The following SKAP2 variants were observed in gnomAD, a reference collection of about 807,000 sequenced individuals.
SKAP2 encodes src kinase associated phosphoprotein 2.
A neutral mutation model predicts 54.9 loss-of-function variants in SKAP2; 28 were observed. That is an observed-to-expected ratio of 0.51 (90% CI 0.38 to 0.70). SKAP2 has a LOEUF of 0.70. Among genes scored for constraint, SKAP2 ranks in the 30% least tolerant of loss-of-function variants. The pLI is 0.00. For missense variants in SKAP2, 356 were observed against 424.1 expected, an observed-to-expected ratio of 0.84 and a Z score of 1.41; for synonymous variants, 137 against 134.3, an observed-to-expected ratio of 1.02 and a Z score of -0.14.
At chr7:26,819,583 G>A (rs1784350411) in intron 4 of SKAP2, among the ~76,000 whole-genome samples, 1 of 149,438 alleles carries the variant, frequency 6.7e-6, no homozygotes, top group African/African-American at 2.5e-5. Context: ...AAAAAAAAAA[G>A]AACTTTCCCA....
At chr7:26,840,937 T>G (rs2127995039) in intron 4 of SKAP2, among the ~76,000 whole-genome samples, 1 of 152,150 alleles carries the variant, frequency 6.6e-6, no homozygotes, top group East Asian at 1.9e-4. Context: ...TAAGAAGCAT[T>G]TCCAAAGAGG....
At chr7:26,729,168 T>C (rs1457177919) in intron 6 of SKAP2, among the ~76,000 whole-genome samples, 2 of 152,070 alleles carry the variant, frequency 1.3e-5, no homozygotes, top group African/African-American at 2.4e-5. Flanking sequence ...CCTAGAAATA[T>C]GCTATGGGGC....
intron 4 of SKAP2, among the ~76,000 whole-genome samples, chr7:26,841,902 G>C (rs1784824767): frequency 1.3e-5 from 2 of 151,908 alleles, no homozygotes; most frequent in Admixed American, 1.3e-4. Context: ...TTGGTGACCT[G>C]TGCTAATTCG....
intron 4 of SKAP2, among the ~76,000 whole-genome samples, chr7:26,775,445 C>T (rs932285415): frequency 6.6e-6 from 1 of 152,030 alleles, no homozygotes; most frequent in African/African-American, 2.4e-5. Context: ...TAACATTTTA[C>T]AAAACTATAG....
At chr7:26,801,465 T>C (rs1293001560) in intron 4 of SKAP2, among the ~76,000 whole-genome samples, 1 of 152,214 alleles carries the variant, frequency 6.6e-6, no homozygotes, top group Non-Finnish European at 1.5e-5. Flanking sequence ...AGATGCCCAT[T>C]GTCACTGCTG....
At position 26,670,648 on chromosome 7, in the gene SKAP2, T is replaced by C. The variant is rs1040269863; in HGVS notation, c.988-456A>G. 1.2e-4 allele frequency among the ~76,000 whole-genome samples: 18 copies of C among 152,246 alleles called. No individual in the cohort carries two copies. The East Asian group carries it at 2.5e-3, about 21-fold the overall frequency. ...AAACTACTTATTTCTTAAACTTATATGACCTAAAATGATTTAGAATGTTGA... is the reference window on the plus strand; with the variant it reads ...AAACTACTTATTTCTTAAACTTATACGACCTAAAATGATTTAGAATGTTGA... On this transcript the variant is annotated intron_variant, in intron 11 of 12. Coordinates refer to ENST00000345317, the MANE Select transcript of SKAP2 (RefSeq NM_003930.5).
At position 26,777,218 on chromosome 7, in the gene SKAP2, T is replaced by C. The variant is rs1196374611; in HGVS notation, c.308-37254A>G. On this transcript the variant is annotated intron_variant, in intron 4 of 12. Coordinates refer to ENST00000345317, the MANE Select transcript of SKAP2 (RefSeq NM_003930.5). ...ATCTGGTTTCTTCAACTCCAGAGGA[T>C]GACACTCAAATACCCTCCTGAATAC... Among the ~76,000 whole-genome samples, 4 of 152,174 alleles carry C rather than the reference T, an allele frequency of 2.6e-5. No homozygotes were observed. In the East Asian group the frequency reaches 7.7e-4, roughly 29 times the overall value.
At chr7:26,682,844 C>T (rs1197129936) in intron 11 of SKAP2, among the ~76,000 whole-genome samples, 1 of 152,126 alleles carries the variant, frequency 6.6e-6, no homozygotes, top group Non-Finnish European at 1.5e-5. Flanking sequence ...AAGTATGATA[C>T]ACACCTATGA....
chr7:26,756,071 G>A (rs1194348692), intron 4 of SKAP2, among the ~76,000 whole-genome samples: 6 of 152,144 alleles, frequency 3.9e-5, no homozygotes, highest in Non-Finnish European at 8.8e-5. Flanking sequence ...AGATCTGTGT[G>A]TATTAATATG....
rs148218263 is a variant in SKAP2, at chr7:26,756,098, T to C, written c.308-16134A>G. ...ATTAATATGGAAAGATATATACTAA[T>C]GTAGAAAGATGTCCACGATACTTGG... On this transcript the variant is annotated intron_variant, in intron 4 of 12. Coordinates refer to ENST00000345317, the MANE Select transcript of SKAP2 (RefSeq NM_003930.5). 1.5e-3 allele frequency among the ~76,000 whole-genome samples: 224 copies of C among 152,348 alleles called. 1 individual carries two copies. Among genetic ancestry groups the C allele is most frequent in the African/African-American group, 5.2e-3 (216 of 41,590 alleles).
intron 9 of SKAP2, among the ~76,000 whole-genome samples, chr7:26,713,734 G>A (rs1467725699): frequency 6.6e-6 from 1 of 150,464 alleles, no homozygotes; most frequent in Admixed American, 6.6e-5. Context: ...CGAGTAGCTG[G>A]GACTACAGGT....
intron 6 of SKAP2, among the ~76,000 whole-genome samples, chr7:26,734,333 T>C: frequency 6.6e-6 from 1 of 152,164 alleles, no homozygotes; most frequent in South Asian, 2.1e-4. Flanking sequence ...CAAAATAAAA[T>C]CTTTAGCAAG....
chr7:26,787,690 G>A (rs1014587720), intron 4 of SKAP2, among the ~76,000 whole-genome samples: 2 of 151,974 alleles, frequency 1.3e-5, no homozygotes, highest in African/African-American at 2.4e-5. Context: ...GGCAGAGCAG[G>A]AGCAAGAGGG....
intron 4 of SKAP2, among the ~76,000 whole-genome samples, chr7:26,755,094 G>A (rs1782761494): frequency 6.6e-6 from 1 of 152,072 alleles, no homozygotes; most frequent in African/African-American, 2.4e-5. Context: ...CATTCTCACT[G>A]AAAAACAAAA....
chr7:26,821,503 T>C (rs1784382567), intron 4 of SKAP2, among the ~76,000 whole-genome samples: 1 of 152,172 alleles, frequency 6.6e-6, no homozygotes, highest in East Asian at 1.9e-4. Flanking sequence ...AATCTTCTCA[T>C]CTATCTCATT....
intron 1 of SKAP2, among the ~76,000 whole-genome samples, chr7:26,857,033 T>C (rs1208562211): frequency 6.6e-6 from 1 of 151,120 alleles, no homozygotes; most frequent in Non-Finnish European, 1.5e-5. Context: ...CCCCCAAACA[T>C]GTTTTTAAAA....
intron 4 of SKAP2, among the ~76,000 whole-genome samples, chr7:26,812,435 G>A (rs1011352957): frequency 6.6e-5 from 10 of 151,688 alleles, no homozygotes; most frequent in African/African-American, 2.2e-4. Flanking sequence ...CTTAAATTAC[G>A]GAAATTCTCA....
intron 9 of SKAP2, among the ~76,000 whole-genome samples, chr7:26,706,884 G>A (rs1345484075): frequency 6.6e-6 from 1 of 152,088 alleles, no homozygotes; most frequent in Non-Finnish European, 1.5e-5. Context: ...TAAAACCAAA[G>A]TGTACATTTG....
chr7:26,658,108 G>A, the SKAP2 span, among the ~76,000 whole-genome samples: 1 of 152,088 alleles, frequency 6.6e-6, no homozygotes, highest in Non-Finnish European at 1.5e-5. Flanking sequence ...TCTCTTTGCC[G>A]CATGAAAAGG....
Sources: allele counts gnomAD v4.1 joint callset (sites outside exome capture counted in the v4.1 genomes callset), GRCh38; gene constraint gnomAD v4.1.1; transcripts MANE v1.5; gene names NCBI Gene and HGNC (gene_info 2026-07-23, HGNC 2026-07-21).